Variants in CALD1 observed in about 807,000 individuals in gnomAD.
CALD1 encodes the protein caldesmon 1.
Under a neutral mutation model 99.9 loss-of-function variants are expected in CALD1, and 33 were observed. That is an observed-to-expected ratio of 0.33 (90% CI 0.25 to 0.44). The LOEUF is 0.44. Among genes scored for constraint, CALD1 ranks in the 20% least tolerant of loss-of-function variants. CALD1 has a pLI of 1.00. For missense variants in CALD1, 861 were observed against 962.1 expected (o/e 0.89, Z 1.39); for synonymous variants, 310 against 325.0 (o/e 0.95, Z 0.50).
chr7:134,890,878 G>T (rs1440846640), intron 3 of CALD1, among the ~76,000 whole-genome samples: 1 of 152,226 alleles, frequency 6.6e-6, no homozygotes, highest in Non-Finnish European at 1.5e-5. Context: ...ACTGAGCAGG[G>T]CCATCTCTCT....
At chr7:134,802,704 A>G (rs891891731) in intron 1 of CALD1, among the ~76,000 whole-genome samples, 1 of 152,262 alleles carries the variant, frequency 6.6e-6, no homozygotes, top group Non-Finnish European at 1.5e-5. Flanking sequence ...AGCCTATTTT[A>G]TAATAAAATG....
chr7:134,938,012 T>C (rs1158474712), intron 6 of CALD1, among the ~76,000 whole-genome samples: 3 of 152,208 alleles, frequency 2.0e-5, no homozygotes, highest in Non-Finnish European at 2.9e-5. Flanking sequence ...AAAAGTGATG[T>C]TCGTGTCATG....
At chr7:134,726,309 A>G in the CALD1 span, among the ~76,000 whole-genome samples, 119 of 147,982 alleles carry the variant, frequency 8.0e-4, no homozygotes, top group African/African-American at 2.7e-3. Flanking sequence ...AATATATAAG[A>G]ATATATTAAT....
intron 1 of CALD1, among the ~76,000 whole-genome samples, 182 bp from the exon 2 acceptor site, chr7:134,843,702 C>T (rs147406148): frequency 0.013 from 1,937 of 152,262 alleles, 38 homozygotes; most frequent in African/African-American, 0.043. Flanking sequence ...ATGGACTTTG[C>T]GATAACTGTA....
intron 1 of CALD1, among the ~76,000 whole-genome samples, chr7:134,757,211 T>C: frequency 6.6e-6 from 1 of 152,148 alleles, no homozygotes; most frequent in Non-Finnish European, 1.5e-5. Context: ...ATGGTGCAAC[T>C]GAATGAAAAC....
intron 1 of CALD1, among the ~76,000 whole-genome samples, chr7:134,747,893 C>G (rs951968361): frequency 1.3e-5 from 2 of 152,232 alleles, no homozygotes; most frequent in African/African-American, 4.8e-5. Flanking sequence ...GACCACAGAC[C>G]AGTAGAGCCC....
chr7:134,829,082 C>G (rs1311426871), intron 1 of CALD1, among the ~76,000 whole-genome samples: 1 of 152,120 alleles, frequency 6.6e-6, no homozygotes, highest in Non-Finnish European at 1.5e-5. Flanking sequence ...TATTGAGTGA[C>G]TACTAAATGG....
At chr7:134,877,528 T>G (rs895768887) in intron 3 of CALD1, among the ~76,000 whole-genome samples, 3 of 152,188 alleles carry the variant, frequency 2.0e-5, no homozygotes, top group Non-Finnish European at 2.9e-5. Context: ...TCATGTATGG[T>G]CAGCTCTCCA....
intron 3 of CALD1, chr7:134,928,143 CT>C: frequency 3.6e-6 from 1 of 278,458 alleles, no homozygotes; most frequent in South Asian, 3.2e-5. Flanking sequence ...TCTTCTAAAT[CT>C]TACAAGGCCA....
rs76247203 is a variant in CALD1 at position 134,795,772 on chromosome 7, T to C, written c.-130+16023T>C. On this transcript the variant is annotated intron_variant, in intron 1 of 14. Coordinates refer to ENST00000361675, the MANE Select transcript of CALD1 (RefSeq NM_033138.4). ...CCTATAGCTCTCTTGCTTATATATA[T>C]CTTTTTATGAAGATCGATGGTAACA... is the stretch of plus-strand genomic sequence containing the variant. 6.9e-3 allele frequency among the ~76,000 whole-genome samples: 1,058 copies of C among 152,236 alleles called. 22 individuals are homozygous for C. The highest frequency in any genetic ancestry group is 0.024 in the African/African-American group (996 of 41,544).
At chr7:134,812,582 TTA>T (rs2131936842) in intron 1 of CALD1, among the ~76,000 whole-genome samples, 1 of 131,244 alleles carries the variant, frequency 7.6e-6, no homozygotes, top group African/African-American at 2.8e-5. Flanking sequence ...GAAAGAATAG[TTA>T]AAAAAAAAAA....
the CALD1 span, among the ~76,000 whole-genome samples, chr7:134,712,131 T>C: frequency 6.6e-6 from 1 of 152,072 alleles, no homozygotes; most frequent in Non-Finnish European, 1.5e-5. Context: ...GATTCTGCTC[T>C]AGTTGTCATT....
intron 6 of CALD1, among the ~76,000 whole-genome samples, chr7:134,936,849 A>T (rs1806020448): frequency 1.3e-5 from 2 of 152,252 alleles, no homozygotes; most frequent in Admixed American, 1.3e-4. Flanking sequence ...AGCACAGGCC[A>T]TGTAAAGGAA....
chr7:134,735,842 A>G, the CALD1 span, among the ~76,000 whole-genome samples: 1 of 152,084 alleles, frequency 6.6e-6, no homozygotes, highest in Non-Finnish European at 1.5e-5. Context: ...GCTGGGGTAC[A>G]CTTTATAAGG....
chr7:134,875,966 G>A (rs1456793164), intron 3 of CALD1, among the ~76,000 whole-genome samples: 2 of 152,202 alleles, frequency 1.3e-5, no homozygotes, highest in African/African-American at 4.8e-5. Context: ...CAACAAGACT[G>A]TACATCATTA....
chr7:134,928,494 A>G (rs945624716), intron 3 of CALD1, among the ~76,000 whole-genome samples: 2 of 151,302 alleles, frequency 1.3e-5, no homozygotes, highest in South Asian at 4.2e-4. Context: ...GCTTTTGTGC[A>G]GAATGTTTTA....
intron 3 of CALD1, among the ~76,000 whole-genome samples, chr7:134,916,402 T>G (rs1344884845): frequency 6.6e-6 from 1 of 152,060 alleles, no homozygotes; most frequent in Non-Finnish European, 1.5e-5. Context: ...AGGAAATGAA[T>G]AGTAAATCTT....
intron 1 of CALD1, among the ~76,000 whole-genome samples, chr7:134,827,132 T>C (rs2132045830): frequency 6.6e-6 from 1 of 152,334 alleles, no homozygotes; most frequent in South Asian, 2.1e-4. Flanking sequence ...TCAGGATATT[T>C]ATGTAAACAA....
At chr7:134,724,875 G>A in the CALD1 span, among the ~76,000 whole-genome samples, 4 of 152,156 alleles carry the variant, frequency 2.6e-5, no homozygotes, top group South Asian at 2.1e-4. Context: ...CCTTAAGAAC[G>A]TGTATCAGCC....
Sources: allele counts gnomAD v4.1 joint callset (sites outside exome capture counted in the v4.1 genomes callset), GRCh38; gene constraint gnomAD v4.1.1; transcripts MANE v1.5; gene names NCBI Gene and HGNC (gene_info 2026-07-23, HGNC 2026-07-21).